LINGO2: variants seen among roughly 807,000 people sequenced by gnomAD.
LINGO2 encodes the protein leucine-rich repeat and immunoglobulin-like domain-containing nogo receptor-interacting protein 2.
Under a neutral mutation model 30.6 loss-of-function variants are expected in LINGO2, and 14 were observed. The observed-to-expected ratio is 0.46, with a 90% CI of 0.30 to 0.72. LINGO2 has a LOEUF of 0.72. Among genes scored for constraint, LINGO2 ranks in the 30% least tolerant of loss-of-function variants. The pLI, the probability that LINGO2 is intolerant of heterozygous loss-of-function variation, is 0.07. For missense variants in LINGO2, 729 were observed against 751.7 expected (o/e 0.97, Z 0.35); for synonymous variants, 317 against 288.5 (o/e 1.10, Z -1.00).
chr9:28,703,957 G>T, the LINGO2 span, among the ~76,000 whole-genome samples: 1 of 151,800 alleles, frequency 6.6e-6, no homozygotes, highest in East Asian at 1.9e-4. Context: ...TGGATACATT[G>T]TTACCTGTTA....
At chr9:29,084,997 GT>G in the LINGO2 span, among the ~76,000 whole-genome samples, 34,415 of 151,522 alleles carry the variant, frequency 0.23, 4,036 homozygotes, top group East Asian at 0.4. Context: ...ACTTGTTTTG[GT>G]TTTTATTGCT....
chr9:28,099,015 T>A (rs1003668372), intron 4 of LINGO2, among the ~76,000 whole-genome samples: 3 of 152,164 alleles, frequency 2.0e-5, no homozygotes, highest in African/African-American at 7.2e-5. Context: ...AACAAACCCA[T>A]AGGAACTTCA....
the LINGO2 span, among the ~76,000 whole-genome samples, chr9:29,034,490 G>A: frequency 6.6e-6 from 1 of 152,020 alleles, no homozygotes; most frequent in Admixed American, 6.6e-5. Flanking sequence ...CTTAAAGATA[G>A]GAATTGAAAA....
chr9:29,209,354 T>G, the LINGO2 span, among the ~76,000 whole-genome samples: 3 of 152,152 alleles, frequency 2.0e-5, no homozygotes, highest in Non-Finnish European at 4.4e-5. Flanking sequence ...TTCTAGTCAA[T>G]TTTTGTATAA....
the LINGO2 span, among the ~76,000 whole-genome samples, chr9:28,823,661 C>T: frequency 6.6e-6 from 1 of 152,104 alleles, no homozygotes; most frequent in African/African-American, 2.4e-5. Context: ...GAACTGAAGC[C>T]CCAGCCCATA....
chr9:28,592,102 TA>T (rs1824941314), intron 1 of LINGO2, among the ~76,000 whole-genome samples: 1 of 152,130 alleles, frequency 6.6e-6, no homozygotes, highest in Admixed American at 6.6e-5. Flanking sequence ...AGTAATGGGA[TA>T]TTTTTTGTTC....
At chr9:28,896,679 T>C in the LINGO2 span, among the ~76,000 whole-genome samples, 1 of 152,136 alleles carries the variant, frequency 6.6e-6, no homozygotes, top group African/African-American at 2.4e-5. Flanking sequence ...ACTGGTGGTG[T>C]AGTCAGAAAG....
chr9:28,311,628 G>C (rs554576711), intron 3 of LINGO2, among the ~76,000 whole-genome samples: 27 of 152,278 alleles, frequency 1.8e-4, no homozygotes, highest in African/African-American at 6.3e-4. Flanking sequence ...GCTCTTTTCT[G>C]TCTGGCTCAC....
chr9:28,338,414 G>T (rs1247720528), intron 3 of LINGO2, among the ~76,000 whole-genome samples: 1 of 152,244 alleles, frequency 6.6e-6, no homozygotes, highest in East Asian at 1.9e-4. Context: ...GAGACTTTGG[G>T]TTTGGACTTT....
intron 3 of LINGO2, among the ~76,000 whole-genome samples, chr9:28,333,822 T>C (rs1179772308): frequency 1.3e-5 from 2 of 152,172 alleles, no homozygotes; most frequent in African/African-American, 2.4e-5. Flanking sequence ...AAACTGTACA[T>C]GAGCAGACAT....
chr9:29,069,049 A>C, the LINGO2 span, among the ~76,000 whole-genome samples: 1 of 151,952 alleles, frequency 6.6e-6, no homozygotes, highest in East Asian at 1.9e-4. Flanking sequence ...ACATTCTAAG[A>C]AGGATTTTCT....
chr9:28,933,385 G>A, the LINGO2 span, among the ~76,000 whole-genome samples: 1 of 152,090 alleles, frequency 6.6e-6, no homozygotes, highest in East Asian at 1.9e-4. Context: ...TAGCCTCCTT[G>A]TCCGCCAATC....
At chr9:28,722,053 T>A in the LINGO2 span, among the ~76,000 whole-genome samples, 1 of 152,086 alleles carries the variant, frequency 6.6e-6, no homozygotes, top group Admixed American at 6.6e-5. Context: ...CATTCTGATA[T>A]GTTAATAAAT....
intron 1 of LINGO2, among the ~76,000 whole-genome samples, chr9:28,532,048 T>G (rs1477896569): frequency 2.6e-5 from 4 of 152,122 alleles, no homozygotes; most frequent in African/African-American, 9.7e-5. Flanking sequence ...TAGGAGTCAT[T>G]CAGATTTTTA....
chr9:28,594,182 G>A (rs1450762197), intron 1 of LINGO2, among the ~76,000 whole-genome samples: 3 of 151,986 alleles, frequency 2.0e-5, no homozygotes, highest in Non-Finnish European at 2.9e-5. Context: ...TATTTAAAAG[G>A]AGCACATATT....
intron 2 of LINGO2, among the ~76,000 whole-genome samples, chr9:28,398,073 T>G (rs10968559): frequency 0.12 from 17,700 of 152,212 alleles, 1,147 homozygotes; most frequent in East Asian, 0.3. Flanking sequence ...AATGCCATTA[T>G]AAGTGCCAGG....
chr9:28,607,544 C>T (rs1298330747), intron 1 of LINGO2, among the ~76,000 whole-genome samples: 1 of 152,018 alleles, frequency 6.6e-6, no homozygotes, highest in Non-Finnish European at 1.5e-5. Context: ...TGCCATAGAA[C>T]TTTCACTCTG....
chr9:28,539,097 A>G (rs1183560930), intron 1 of LINGO2, among the ~76,000 whole-genome samples: 1 of 152,070 alleles, frequency 6.6e-6, no homozygotes, highest in Non-Finnish European at 1.5e-5. Flanking sequence ...TAAATAAAAG[A>G]TATTCTTTCA....
chr9:29,115,817 G>T, the LINGO2 span, among the ~76,000 whole-genome samples: 1 of 151,906 alleles, frequency 6.6e-6, no homozygotes, highest in South Asian at 2.1e-4. Flanking sequence ...TCAGAACACA[G>T]CTGCTTTTCC....
Sources: gnomAD v4.1 joint callset for allele counts (sites outside exome capture counted in the v4.1 genomes callset) on GRCh38, gnomAD v4.1.1 for gene constraint, MANE v1.5 for transcripts, NCBI Gene and HGNC (gene_info 2026-07-23, HGNC 2026-07-21) for gene names.